VEZT: variants seen among roughly 807,000 people sequenced by gnomAD.
VEZT encodes the protein vezatin, adherens junctions transmembrane protein, also known as vezatin.
Under a neutral mutation model 79.9 loss-of-function variants are expected in VEZT, and 39 were observed. The ratio of observed to expected loss-of-function variants is 0.49; its 90% CI spans 0.38 to 0.64. The LOEUF (loss-of-function observed/expected upper bound fraction) is 0.64, where lower values mean the gene tolerates loss of function less well. VEZT is among the 30% of genes least tolerant of loss of function. The pLI is 0.00. For synonymous variants in VEZT, 325 were observed against 327.6 expected (o/e 0.99, Z 0.09); for missense variants, 837 against 893.1 (o/e 0.94, Z 0.80).
chr12:95,289,028 A>G (rs1022877733), intron 9 of VEZT, among the ~76,000 whole-genome samples: 3 of 150,872 alleles, frequency 2.0e-5, no homozygotes, highest in Admixed American at 6.7e-5. Context: ...GCAGTGAGCT[A>G]TGATCGTGCC....
chr12:95,242,073 C>T (rs968914051), intron 1 of VEZT: 2 of 152,182 alleles, frequency 1.3e-5, no homozygotes, highest in Admixed American at 1.3e-4. Flanking sequence ...GTACAAGTTA[C>T]ACTAGTTGAT....
At chr12:95,235,440 C>T (rs1193321217) in intron 1 of VEZT, among the ~76,000 whole-genome samples, 5 of 132,540 alleles carry the variant, frequency 3.8e-5, no homozygotes, top group Non-Finnish European at 6.4e-5. Context: ...CCCTCCCGGA[C>T]GGGGCGGCTG....
At chr12:95,258,081 C>T (rs1242291347) in intron 3 of VEZT, among the ~76,000 whole-genome samples, 3 of 152,124 alleles carry the variant, frequency 2.0e-5, no homozygotes, top group Non-Finnish European at 2.9e-5. Flanking sequence ...CTATAGCATA[C>T]GACCTCTCTA....
chr12:95,271,984 T>C (rs1361053502), intron 6 of VEZT, among the ~76,000 whole-genome samples: 1 of 151,910 alleles, frequency 6.6e-6, no homozygotes, highest in African/African-American at 2.4e-5. Context: ...CTGGGCAATA[T>C]AGTGAGACCT....
chr12:95,263,110 A>G, intron 4 of VEZT, 29 bp downstream of exon 4: 2 of 1,552,740 alleles, frequency 1.3e-6, no homozygotes, highest in Non-Finnish European at 1.8e-6. Flanking sequence ...CTATTCTTTG[A>G]CTGCTTACAT....
In VEZT at chr12:95,302,203, G is replaced by A. The variant is rs552003167; in HGVS notation, c.*1530G>A. Reference sequence around the variant, plus strand: ...TCATTTTTCTTTGGATTTAGAAGAAGCAATTATGGAAAAACTTGGTAATCT... The same window carrying A: ...TCATTTTTCTTTGGATTTAGAAGAAACAATTATGGAAAAACTTGGTAATCT... On this transcript the variant is annotated 3_prime_UTR_variant, in exon 12 of 12. Coordinates refer to ENST00000436874, the MANE Select transcript of VEZT (RefSeq NM_017599.4). 6.6e-6 allele frequency: 1 copy of A among 152,220 alleles called. No homozygotes were observed. Among genetic ancestry groups the A allele is most frequent in the Non-Finnish European group, 1.5e-5 (1 of 67,978 alleles). 9.4% of individuals were successfully genotyped at this position (152,220 alleles called of 1,614,324 possible). A position where few individuals can be genotyped will look rare whatever the true frequency, so the allele number is the denominator to read the frequency against.
At chr12:95,260,464 G>C (rs1566135564) in intron 3 of VEZT, among the ~76,000 whole-genome samples, 1 of 152,140 alleles carries the variant, frequency 6.6e-6, no homozygotes, top group South Asian at 2.1e-4. Context: ...CTCTAAGCAC[G>C]TTGGTTTTGG....
intron 7 of VEZT, among the ~76,000 whole-genome samples, chr12:95,278,794 C>A (rs1430671244): frequency 6.6e-6 from 1 of 152,214 alleles, no homozygotes. Context: ...CCAGGCCTGG[C>A]ACCGTGGCTC....
chr12:95,246,472 G>T (rs1229006188), intron 1 of VEZT, among the ~76,000 whole-genome samples: 2 of 152,194 alleles, frequency 1.3e-5, no homozygotes, highest in East Asian at 3.8e-4. Context: ...CTGGCAAGAA[G>T]TGTCAGTAGT....
intron 6 of VEZT, among the ~76,000 whole-genome samples, chr12:95,272,673 A>G (rs978697612): frequency 1.3e-5 from 2 of 152,260 alleles, no homozygotes; most frequent in Non-Finnish European, 2.9e-5. Flanking sequence ...AGTGATAACC[A>G]TTGATATAGA....
At chr12:95,240,680 A>G (rs1385650426) in intron 1 of VEZT, among the ~76,000 whole-genome samples, 5 of 152,138 alleles carry the variant, frequency 3.3e-5, no homozygotes, top group Non-Finnish European at 7.4e-5. Flanking sequence ...AAGGTAACTC[A>G]TTTCACTCTT....
intron 4 of VEZT, among the ~76,000 whole-genome samples, chr12:95,264,864 C>CTTTTCT (rs2065197010): frequency 3.1e-5 from 4 of 128,452 alleles, no homozygotes. Flanking sequence ...TCTTTCTTTT[C>CTTTTCT]TTTTCTTTTT....
At chr12:95,262,263 A>G (rs964593329) in intron 3 of VEZT, 1 of 152,214 alleles carries the variant, frequency 6.6e-6, no homozygotes, top group African/African-American at 2.4e-5. Context: ...GAACTCTTTA[A>G]GAATAGAGAC....
At chr12:95,262,868 A>G in intron 3 of VEZT, 38 bp from the exon 4 acceptor site, 4 of 1,480,306 alleles carry the variant, frequency 2.7e-6, no homozygotes, top group Non-Finnish European at 3.6e-6. Flanking sequence ...AATATTATAT[A>G]TGTGTTAATA....
intron 1 of VEZT, among the ~76,000 whole-genome samples, chr12:95,242,876 CAAAAA>C (rs367689756): frequency 4.7e-5 from 3 of 64,270 alleles, no homozygotes; most frequent in Non-Finnish European, 1.0e-4. Context: ...TCCATCTCAC[CAAAAA>C]AAAAAAAAAA....
intron 1 of VEZT, 129 bp from the exon 2 acceptor site, chr12:95,251,811 C>A: frequency 1.4e-6 from 1 of 694,262 alleles, no homozygotes; most frequent in Non-Finnish European, 2.3e-6. Flanking sequence ...TAATTCAGTT[C>A]TTATAGAAGA....
At chr12:95,244,082 CT>C (rs71078689) in intron 1 of VEZT, 51,995 of 254,052 alleles carry the variant, frequency 0.2, 1,245 homozygotes, top group East Asian at 0.35. Context: ...ACTAAAAACT[CT>C]TTTTTTTTTT....
intron 1 of VEZT, among the ~76,000 whole-genome samples, chr12:95,237,040 C>G (rs905465917): frequency 2.0e-5 from 3 of 152,104 alleles, no homozygotes; most frequent in African/African-American, 7.2e-5. Flanking sequence ...AGTTTAGTTT[C>G]TAGTTAAATA....
At chr12:95,270,590 A>AT (rs1477716762) in intron 6 of VEZT, among the ~76,000 whole-genome samples, 1 of 152,240 alleles carries the variant, frequency 6.6e-6, no homozygotes, top group Non-Finnish European at 1.5e-5. Flanking sequence ...TAGGAGCAGA[A>AT]TGGCTAAGTT....
Sources: allele counts gnomAD v4.1 joint callset (sites outside exome capture counted in the v4.1 genomes callset), GRCh38; gene constraint gnomAD v4.1.1; transcripts MANE v1.5; gene names NCBI Gene and HGNC (gene_info 2026-07-23, HGNC 2026-07-21).